NOS1AP: variants seen among roughly 807,000 people sequenced by gnomAD.
The protein encoded by NOS1AP is nitric oxide synthase 1 adaptor protein.
NOS1AP carries 21 observed loss-of-function variants against 56.2 expected under a neutral mutation model. The observed-to-expected ratio is 0.37, with a 90% confidence interval of 0.26 to 0.54. The LOEUF (loss-of-function observed/expected upper bound fraction) is 0.54, where lower values mean the gene tolerates loss of function less well. Among genes scored for constraint, NOS1AP ranks in the 20% least tolerant of loss-of-function variants. The pLI, the probability that NOS1AP is intolerant of heterozygous loss-of-function variation, is 0.84. For synonymous variants in NOS1AP, 270 were observed against 274.6 expected (o/e 0.98, Z 0.17); for missense variants, 522 against 657.8 (o/e 0.79, Z 2.26).
chr1:162,266,160 G>A (rs963054598), intron 2 of NOS1AP, among the ~76,000 whole-genome samples: 1 of 152,190 alleles, frequency 6.6e-6, no homozygotes, highest in African/African-American at 2.4e-5. Context: ...TATTCTGGGT[G>A]GTTATGTGCT....
At chr1:162,083,772 T>C (rs1203188655) in intron 1 of NOS1AP, among the ~76,000 whole-genome samples, 1 of 152,162 alleles carries the variant, frequency 6.6e-6, no homozygotes, top group Non-Finnish European at 1.5e-5. Context: ...TTTGGAGTAA[T>C]CAGAATCACC....
chr1:162,144,466 T>C (rs892846881), intron 1 of NOS1AP, among the ~76,000 whole-genome samples: 43 of 152,272 alleles, frequency 2.8e-4, no homozygotes, highest in African/African-American at 9.9e-4. Context: ...TCTGGTGTTC[T>C]TTGTTCACCT....
At chr1:162,178,594 T>G (rs1651145708) in intron 2 of NOS1AP, among the ~76,000 whole-genome samples, 1 of 152,128 alleles carries the variant, frequency 6.6e-6, no homozygotes, top group Admixed American at 6.5e-5. Flanking sequence ...AGCTGGCACT[T>G]ACACTCATCC....
At chr1:162,149,124 C>A (rs77698329) in intron 1 of NOS1AP, among the ~76,000 whole-genome samples, 1 of 152,112 alleles carries the variant, frequency 6.6e-6, no homozygotes. Flanking sequence ...GCTCCATTGC[C>A]CTAGGAACGT....
chr1:162,252,026 G>A (rs1653878362), intron 2 of NOS1AP, among the ~76,000 whole-genome samples: 1 of 151,596 alleles, frequency 6.6e-6, no homozygotes, highest in African/African-American at 2.4e-5. Flanking sequence ...AAAGGTTCAG[G>A]GGGTAAATTC....
intron 2 of NOS1AP, among the ~76,000 whole-genome samples, chr1:162,230,029 GA>G (rs1467393309): frequency 1.3e-5 from 2 of 152,144 alleles, no homozygotes; most frequent in African/African-American, 4.8e-5. Context: ...GAACTTTAAA[GA>G]ATACAAGAGA....
At chr1:162,248,069 G>A (rs913928750) in intron 2 of NOS1AP, among the ~76,000 whole-genome samples, 1 of 152,018 alleles carries the variant, frequency 6.6e-6, no homozygotes, top group Non-Finnish European at 1.5e-5. Context: ...GATCGCTTGA[G>A]GCCGGATGTT....
intron 2 of NOS1AP, among the ~76,000 whole-genome samples, chr1:162,257,621 C>A (rs567625759): frequency 6.6e-6 from 1 of 151,570 alleles, no homozygotes; most frequent in South Asian, 2.1e-4. Flanking sequence ...TGCACTCCAG[C>A]CTGGGTGACA....
chr1:162,269,351 G>C (rs1476113523), intron 2 of NOS1AP, among the ~76,000 whole-genome samples: 2 of 152,126 alleles, frequency 1.3e-5, no homozygotes, highest in Non-Finnish European at 2.9e-5. Flanking sequence ...TGACTGGAGG[G>C]GGAGTTGAGA....
At chr1:162,294,591 CCTCT>C (rs1223492456) in intron 3 of NOS1AP, among the ~76,000 whole-genome samples, 8 of 152,124 alleles carry the variant, frequency 5.3e-5, no homozygotes, top group Non-Finnish European at 8.8e-5. Context: ...TAACCTACTC[CCTCT>C]ATCTCGCTGA....
chr1:162,117,262 A>T (rs1648000834), intron 1 of NOS1AP, among the ~76,000 whole-genome samples: 1 of 152,144 alleles, frequency 6.6e-6, no homozygotes, highest in Non-Finnish European at 1.5e-5. Context: ...TCCTGTCTTT[A>T]TCAGATTAAT....
At chr1:162,298,426 G>C (rs1255073006) in intron 3 of NOS1AP, among the ~76,000 whole-genome samples, 2 of 152,208 alleles carry the variant, frequency 1.3e-5, no homozygotes, top group Non-Finnish European at 2.9e-5. Context: ...AAACCAGGGT[G>C]GTGTAATTGG....
At chr1:162,260,616 C>A (rs1654177365) in intron 2 of NOS1AP, among the ~76,000 whole-genome samples, 1 of 152,084 alleles carries the variant, frequency 6.6e-6, no homozygotes, top group Non-Finnish European at 1.5e-5. Context: ...TAGCAGTGTA[C>A]CTTAACTTAT....
At chr1:162,279,438 A>C (rs916372921) in intron 2 of NOS1AP, among the ~76,000 whole-genome samples, 1 of 152,190 alleles carries the variant, frequency 6.6e-6, no homozygotes, top group Admixed American at 6.5e-5. Context: ...GTCTCCTGAC[A>C]CTGTGGAAAT....
intron 4 of NOS1AP, among the ~76,000 whole-genome samples, chr1:162,305,269 T>G (rs1655787364): frequency 6.6e-6 from 1 of 152,184 alleles, no homozygotes; most frequent in South Asian, 2.1e-4. Flanking sequence ...ACAGAAACTC[T>G]GTGCCCGTTA....
intron 2 of NOS1AP, among the ~76,000 whole-genome samples, chr1:162,234,992 G>A (rs1384760200): frequency 6.6e-6 from 1 of 152,112 alleles, no homozygotes; most frequent in Non-Finnish European, 1.5e-5. Flanking sequence ...GGCTGAGTTT[G>A]CTCATCACAT....
chr1:162,156,946 G>C (rs1169245008), intron 2 of NOS1AP, among the ~76,000 whole-genome samples: 1 of 152,132 alleles, frequency 6.6e-6, no homozygotes, highest in Non-Finnish European at 1.5e-5. Flanking sequence ...GGCTCTTTGT[G>C]ACCCTAATAT....
At chr1:162,147,930 G>T (rs1291128602) in intron 1 of NOS1AP, among the ~76,000 whole-genome samples, 1 of 152,162 alleles carries the variant, frequency 6.6e-6, no homozygotes, top group East Asian at 1.9e-4. Flanking sequence ...GGGATTCCTG[G>T]AAGGGGGGGA....
At chr1:162,192,966 G>C (rs1651691196) in intron 2 of NOS1AP, among the ~76,000 whole-genome samples, 1 of 152,046 alleles carries the variant, frequency 6.6e-6, no homozygotes. Context: ...AGGCCACTTT[G>C]ACCCCTGGTA....
Sources: allele counts gnomAD v4.1 joint callset (sites outside exome capture counted in the v4.1 genomes callset), GRCh38; gene constraint gnomAD v4.1.1; transcripts MANE v1.5; gene names NCBI Gene and HGNC (gene_info 2026-07-23, HGNC 2026-07-21).